Variants in IVNS1ABP observed in about 807,000 individuals in gnomAD.
IVNS1ABP encodes the protein influenza virus NS1A binding protein.
Under a neutral mutation model 78.9 loss-of-function variants are expected in IVNS1ABP, and 25 were observed. The observed-to-expected ratio is 0.32, with a 90% confidence interval of 0.23 to 0.44. The LOEUF (loss-of-function observed/expected upper bound fraction) is 0.44. IVNS1ABP is among the 20% of genes least tolerant of loss of function. The pLI is 1.00. For synonymous variants in IVNS1ABP, 241 were observed against 259.7 expected (o/e 0.93, Z 0.69); for missense variants, 494 against 768.9 (o/e 0.64, Z 4.23).
chr1:185,309,019 A>G lies in IVNS1ABP; in HGVS notation c.265T>C (p.Tyr89His). ...NPEAVEVLLN[Y>H]AYTAQLKADK... ...TGTACTTACTGAGCAGTGTAGGCAT[A>G]ATTCAACAAGACTTCAACAGCTTCT... Residue 89 changes from tyrosine (Y) to histidine (H), a missense_variant, in exon 4 of 15, where the codon TAT becomes CAT. By Grantham distance (83) the Tyr-to-His change is moderately conservative. Transcript: ENST00000367498. 1 of 1,610,966 alleles carries G rather than the reference A, an allele frequency of 6.2e-7. No individual in the cohort carries two copies. The highest frequency in any genetic ancestry group is 8.5e-7 in the Non-Finnish European group (1 of 1,178,606).
Position 185,300,545 on chromosome 1 carries a change from T to C in IVNS1ABP, c.1134A>G (p.Arg378=). The C allele has an allele frequency of 6.2e-7, 1 of 1,613,318 alleles. No individual in the cohort carries two copies. The highest frequency in any genetic ancestry group is 8.5e-7 in the Non-Finnish European group (1 of 1,179,470). The change falls in exon 11 of 15, where the codon AGA becomes AGG. Residue 378 remains arginine (R), a synonymous_variant. Coordinates refer to ENST00000367498, the MANE Select transcript of IVNS1ABP (RefSeq NM_006469.5). ...GKLIAAGGYN[R]EECLRTVECY... ...ATTCGACTGTTCGAAGACATTCCTCTCTGTTATAGCCACCTGGTAAAAAAT... is the reference window on the plus strand; with the variant it reads ...ATTCGACTGTTCGAAGACATTCCTCCCTGTTATAGCCACCTGGTAAAAAAT...
At chr1:185,306,896 A>C in intron 7 of IVNS1ABP, 118 bp downstream of exon 7, 1 of 1,128,430 alleles carries the variant, frequency 8.9e-7, no homozygotes, top group Non-Finnish European at 1.3e-6. Context: ...AGGGGTACCT[A>C]TAGCAAAATT....
At position 185,317,073 on chromosome 1, in the gene IVNS1ABP, C is replaced by G; in HGVS notation, c.-367G>C. On this transcript the variant is annotated 5_prime_UTR_variant, in exon 1 of 15. Coordinates refer to ENST00000367498, the MANE Select transcript of IVNS1ABP (RefSeq NM_006469.5). Reference sequence around the variant, plus strand: ...GAAGGCGGCGGAAGACGGGAGCGGTCAAGTAGAAGGACGAGGGGCCAGTCC... The same window carrying G: ...GAAGGCGGCGGAAGACGGGAGCGGTGAAGTAGAAGGACGAGGGGCCAGTCC... 1 of 398,634 alleles carries G rather than the reference C, an allele frequency of 2.5e-6. No homozygotes were observed. The allele number at this position is 398,634 out of a possible 1,614,324, so 24.7% of individuals were successfully genotyped here.
chr1:185,303,792 C>T (rs958778643), intron 8 of IVNS1ABP, among the ~76,000 whole-genome samples: 6 of 152,012 alleles, frequency 3.9e-5, no homozygotes, highest in African/African-American at 1.4e-4. Flanking sequence ...TAGGAAGGGT[C>T]CAAGGCAACA....
intron 8 of IVNS1ABP, among the ~76,000 whole-genome samples, chr1:185,302,836 G>A (rs576981733): frequency 6.6e-6 from 1 of 152,128 alleles, no homozygotes; most frequent in East Asian, 1.9e-4. Flanking sequence ...AACTCAAGAA[G>A]ATATGCATTG....
Position 185,300,676 on chromosome 1 carries a change from G to T in IVNS1ABP, c.1121-118C>A, listed in dbSNP as rs906366397. On this transcript the variant is annotated intron_variant, in intron 10 of 14. Coordinates refer to ENST00000367498, the MANE Select transcript of IVNS1ABP (RefSeq NM_006469.5). ...AGAAAAAGTATTAAAACTTTTTAAG[G>T]ATGCCTTAGTTGATCTTTTAACTAA... The T allele has an allele frequency of 7.1e-5, 77 of 1,082,784 alleles. No homozygotes were observed. In the African/African-American group the frequency reaches 1.1e-3, roughly 16 times the overall value. 67.1% of individuals were successfully genotyped at this position (1,082,784 alleles called of 1,614,324 possible).
intron 7 of IVNS1ABP, chr1:185,306,504 T>A: frequency 7.8e-7 from 1 of 1,289,582 alleles, no homozygotes; most frequent in Non-Finnish European, 1.0e-6. Context: ...ATCATCGTTC[T>A]CTGCCCACAG....
At position 185,309,495 on chromosome 1, in the gene IVNS1ABP, T is replaced by C; in HGVS notation, c.-2A>G. On this transcript the variant is annotated 5_prime_UTR_variant, in exon 3 of 15. Transcript: ENST00000367498. ...CATCAAATATCCATTGGGAATCATTTTTCCTTATAAATTTGGCTAGATGAT... is the reference window on the plus strand; with the variant it reads ...CATCAAATATCCATTGGGAATCATTCTTCCTTATAAATTTGGCTAGATGAT... The C allele has an allele frequency of 6.4e-7, 1 of 1,570,010 alleles. No individual in the cohort carries two copies. The highest frequency in any genetic ancestry group is 8.7e-7 in the Non-Finnish European group (1 of 1,144,812).
intron 1 of IVNS1ABP, among the ~76,000 whole-genome samples, chr1:185,314,359 G>A (rs140077384): frequency 5.6e-4 from 85 of 152,200 alleles, no homozygotes; most frequent in African/African-American, 2.0e-3. Flanking sequence ...TAACACAATA[G>A]AAGTTAACTC....
Position 185,305,698 on chromosome 1 carries a change from T to G in IVNS1ABP, c.658-55A>C. 3.7e-6 allele frequency: 6 copies of G among 1,600,356 alleles called. No individual in the cohort carries two copies. The highest frequency in any genetic ancestry group is 5.1e-6 in the Non-Finnish European group (6 of 1,172,296). ...GCTACGGTCACCATGGCTACTCCAC[T>G]AGTATGCAGATTACACAAACGCCTC... is the stretch of plus-strand genomic sequence containing the variant. On this transcript the variant is annotated intron_variant, in intron 7 of 14. Coordinates refer to ENST00000367498, the MANE Select transcript of IVNS1ABP (RefSeq NM_006469.5). The surrounding 1 kb of genome is among the most constrained non-coding windows in gnomAD (Gnocchi z 4.0).
Position 185,305,216 on chromosome 1 carries a change from C to T in IVNS1ABP, c.765+320G>A, listed in dbSNP as rs188260438. ...CCTGCCCCTTTTTAAAAAAAACTAT[C>T]AGTCATGCCTGACACAAACAACTGC... On this transcript the variant is annotated intron_variant, in intron 8 of 14. Transcript: ENST00000367498. This position sits in a 1 kb window ranked among gnomAD's most constrained non-coding sequence, Gnocchi z 4.0. 7.9e-5 allele frequency among the ~76,000 whole-genome samples: 12 copies of T among 152,268 alleles called. No individual in the cohort carries two copies. The highest frequency in any genetic ancestry group is 2.9e-4 in the African/African-American group (12 of 41,570).
At chr1:185,300,737 C>G in intron 10 of IVNS1ABP, 179 bp from the exon 11 acceptor site, 1 of 717,332 alleles carries the variant, frequency 1.4e-6, no homozygotes, top group East Asian at 2.7e-5. Flanking sequence ...ATTATCAGTA[C>G]AAATAAACTG....
rs1665483472 is a variant in IVNS1ABP, at chr1:185,298,550, A to G, written c.1676-262T>C. ...AGGAAGCAGTAGCAGCATCTAAATA[A>G]GTACAATTTTCACCAACTCTGTGGT... On this transcript the variant is annotated intron_variant, in intron 14 of 14. Coordinates refer to ENST00000367498, the MANE Select transcript of IVNS1ABP (RefSeq NM_006469.5). The surrounding 1 kb of genome is among the most constrained non-coding windows in gnomAD (Gnocchi z 4.1). 2.7e-5 allele frequency: 13 copies of G among 474,460 alleles called. No individual in the cohort carries two copies. The South Asian group carries it at 3.5e-4, about 13-fold the overall frequency. The allele number at this position is 474,460 out of a possible 1,614,324, so 29.4% of individuals were successfully genotyped here. A position where few individuals can be genotyped will look rare whatever the true frequency, so the allele number is the denominator to read the frequency against.
intron 1 of IVNS1ABP, among the ~76,000 whole-genome samples, chr1:185,314,122 AG>A (rs1356411601): frequency 5.3e-5 from 8 of 152,230 alleles, no homozygotes; most frequent in Non-Finnish European, 8.8e-5. Context: ...GCATTTTTAA[AG>A]GAAAGACTTT....
Position 185,300,318 on chromosome 1 carries a change from G to A in IVNS1ABP, c.1268C>T (p.Ser423Leu). The A allele has an allele frequency of 6.2e-7, 1 of 1,613,452 alleles. No homozygotes were observed. Residue 423 changes from serine to leucine, a missense_variant, in exon 12 of 15, where the codon TCA (serine) becomes TTA (leucine). Coordinates refer to ENST00000367498, the MANE Select transcript of IVNS1ABP (RefSeq NM_006469.5). ...LMGQLYVVGG[S>L]NGHSDDLSCG... is the part of the protein sequence containing the mutation. ...ACTCAGGTCATCTGAGTGGCCATTTGATCCACCTACCACATAGAGCTGGCC... is the reference window on the plus strand; with the variant it reads ...ACTCAGGTCATCTGAGTGGCCATTTAATCCACCTACCACATAGAGCTGGCC...
chr1:185,308,636 C>T (rs1479404350), intron 5 of IVNS1ABP, among the ~76,000 whole-genome samples, 164 bp downstream of exon 5: 5 of 152,098 alleles, frequency 3.3e-5, no homozygotes, highest in Non-Finnish European at 7.4e-5. Context: ...GATCTTGCTA[C>T]ATTATTATAG....
At chr1:185,302,429 A>G (rs74132214) in intron 8 of IVNS1ABP, among the ~76,000 whole-genome samples, 1 of 152,162 alleles carries the variant, frequency 6.6e-6, no homozygotes, top group Non-Finnish European at 1.5e-5. Context: ...GGAACTGCCA[A>G]ATGAACAGGT....
intron 5 of IVNS1ABP, 134 bp from the exon 6 acceptor site, chr1:185,307,796 A>T: frequency 8.4e-7 from 1 of 1,186,982 alleles, no homozygotes; most frequent in Non-Finnish European, 1.2e-6. Flanking sequence ...AAATGTTAAT[A>T]GTGGTAATAA....
Position 185,307,357 on chromosome 1 carries a change from T to TA in IVNS1ABP, c.531+131dup, listed in dbSNP as rs1241296231. ...AACAAACTGGTAGGGAGAAACCCAT[T>TA]ACGCTGCTAAGAATAACAATATAAT... On this transcript the variant is annotated intron_variant, in intron 6 of 14. Coordinates refer to ENST00000367498, the MANE Select transcript of IVNS1ABP (RefSeq NM_006469.5). 3.4e-6 allele frequency: 3 copies of TA among 882,352 alleles called. No homozygotes were observed. The African/African-American group carries it at 5.1e-5, about 15-fold the overall frequency. The allele number at this position is 882,352 out of a possible 1,614,324, so 54.7% of individuals were successfully genotyped here. A position where few individuals can be genotyped will look rare whatever the true frequency, so the allele number is the denominator to read the frequency against.
Sources: allele counts gnomAD v4.1 joint callset (sites outside exome capture counted in the v4.1 genomes callset), GRCh38; gene constraint gnomAD v4.1.1; non-coding constraint Gnocchi (gnomAD v3.1); transcripts MANE v1.5; gene names NCBI Gene and HGNC (gene_info 2026-07-23, HGNC 2026-07-21).